MED12: variants seen among roughly 807,000 people sequenced by gnomAD.
MED12 encodes the protein mediator of RNA polymerase II transcription subunit 12.
MED12 carries 10 observed loss-of-function variants against 177.7 expected under a neutral mutation model. The observed-to-expected ratio is 0.06, with a 90% CI of 0.03 to 0.10. MED12 has a LOEUF of 0.10. MED12 is among the 10% of genes least tolerant of loss of function. The pLI is 1.00. For missense variants in MED12, 867 were observed against 1,780.8 expected (o/e 0.49, Z 9.23); for synonymous variants, 641 against 678.4 (o/e 0.94, Z 0.86).
chrX:71,126,544 AG>A (rs1453252256), intron 19 of MED12, 60 bp downstream of exon 19: 1 of 1,166,548 alleles, frequency 8.6e-7, no homozygotes, highest in African/African-American at 1.8e-5. Flanking sequence ...GCGGCTACGG[AG>A]GGTCATAAGG....
Position 71,122,354 on chromosome X carries a change from T to G in MED12, c.1248+8T>G. ...AGTGCCTTCACTCAGCAGGTATGTC[T>G]GACCACTAGCCTGGTACTCTCAGAT... On this transcript the variant is annotated splice_region_variant and intron_variant, in intron 8 of 44. Transcript: ENST00000374080. The G allele has an allele frequency of 8.3e-7, 1 of 1,211,761 alleles. No individual in the cohort carries two copies. The highest frequency in any genetic ancestry group is 1.1e-6 in the Non-Finnish European group (1 of 895,204).
At chrX:71,132,634 G>A in intron 31 of MED12, 96 bp downstream of exon 31, 1 of 1,032,879 alleles carries the variant, frequency 9.7e-7, no homozygotes, top group East Asian at 3.3e-5. Context: ...AAGCATCATA[G>A]GAAAGTGGAA....
chrX:71,124,435 A>G (rs1246375786), intron 13 of MED12, 47 bp downstream of exon 13: 1 of 1,019,978 alleles, frequency 9.8e-7, no homozygotes, highest in Admixed American at 2.6e-5. Flanking sequence ...TGACATTTCC[A>G]TCTTCATGGC....
At chrX:71,127,213 C>T (rs2092305418) in intron 20 of MED12, 81 bp downstream of exon 20, 1 of 1,153,123 alleles carries the variant, frequency 8.7e-7, no homozygotes, top group African/African-American at 1.8e-5. Flanking sequence ...TGCACTTCCT[C>T]ACACTCTGGG....
At chrX:71,134,665 A>G (rs762582686) in intron 34 of MED12, 48 bp from the exon 35 acceptor site, 12 of 1,195,731 alleles carry the variant, frequency 1.0e-5, no homozygotes, top group African/African-American at 3.6e-5. Flanking sequence ...GCCTTTTTCT[A>G]TCTTCACCTC....
chrX:71,127,784 C>G, intron 21 of MED12, 109 bp from the exon 22 acceptor site: 60 of 576,478 alleles, frequency 1.0e-4, no homozygotes, highest in Non-Finnish European at 1.6e-4. Flanking sequence ...GTCTCAAGAT[C>G]CTTCATCCCT....
Position 71,142,289 on chromosome X carries a change from T to C in MED12, c.*71T>C. On this transcript the variant is annotated 3_prime_UTR_variant, in exon 45 of 45. Coordinates refer to ENST00000374080, the MANE Select transcript of MED12 (RefSeq NM_005120.3). ...TCCTCTTAATTCCCAATCCCATTCC[T>C]GGGCTAGCACCAGTAGTGGTTGGGG... is the stretch of plus-strand genomic sequence containing the variant. The C allele has an allele frequency of 9.1e-7, 1 of 1,095,611 alleles. No homozygotes were observed. The highest frequency in any genetic ancestry group is 1.8e-5 in the African/African-American group (1 of 55,671). 90.3% of individuals were successfully genotyped at this position (1,095,611 alleles called of 1,213,427 possible).
intron 44 of MED12, 77 bp downstream of exon 44, chrX:71,142,041 G>A (rs1487786659): frequency 7.2e-6 from 8 of 1,116,551 alleles, no homozygotes; most frequent in Admixed American, 2.2e-5. Context: ...TAGCTGAAAC[G>A]ATAGCTTCAG....
At position 71,134,459 on chromosome X, in the gene MED12, T is replaced by G; in HGVS notation, c.4720T>G (p.Ser1574Ala). The change falls in exon 34 of 45, where the codon TCC becomes GCC. Residue 1574 changes from serine to alanine, a missense_variant. Ser to Ala is a moderately conservative substitution (Grantham distance 99). Coordinates refer to ENST00000374080, the MANE Select transcript of MED12 (RefSeq NM_005120.3). ...IIISGTVDMQ[S>A]NNELFTTVLD... ...CATCAGCGGCACTGTCGACATGCAGTCCAACAAGTAAAGCATCCCCACCCG... is the reference window on the plus strand; with the variant it reads ...CATCAGCGGCACTGTCGACATGCAGGCCAACAAGTAAAGCATCCCCACCCG... 8.8e-7 allele frequency: 1 copy of G among 1,131,126 alleles called. No individual in the cohort carries two copies. The highest frequency in any genetic ancestry group is 1.2e-6 in the Non-Finnish European group (1 of 838,605). The allele number at this position is 1,131,126 out of a possible 1,213,427, so 93.2% of individuals were successfully genotyped here.
At position 71,141,983 on chromosome X, in the gene MED12, C is replaced by T. The variant is rs1428365499; in HGVS notation, c.6490+19C>T. On this transcript the variant is annotated intron_variant, in intron 44 of 44. Coordinates refer to ENST00000374080, the MANE Select transcript of MED12 (RefSeq NM_005120.3). ...CTCTCTAGTAAGCCTGCCTGCCTTC[C>T]CAAGGAGAACCCCATGGAATAAATT... 1 of 1,202,606 alleles carries T rather than the reference C, an allele frequency of 8.3e-7. No homozygotes were observed. Among genetic ancestry groups the T allele is most frequent in the Non-Finnish European group, 1.1e-6 (1 of 889,169 alleles).
chrX:71,122,211 G>A lies in MED12; in HGVS notation c.1113G>A (p.Leu371=), dbSNP rs780470012. The change falls in exon 8 of 45, where the codon CTG becomes CTA. Residue 371 remains leucine, a synonymous_variant. Transcript: ENST00000374080. ...GLSCILQTIL[L]CCPSALVWHY... ...TTTCTATCTGGTAGACCATCCTCCT[G>A]TGCTGTCCTAGTGCCTTGGTTTGGC... 3.1e-5 allele frequency: 38 copies of A among 1,210,155 alleles called. No individual in the cohort carries two copies. In the South Asian group the frequency reaches 5.8e-4, roughly 18 times the overall value.
chrX:71,137,627 A>G lies in MED12; in HGVS notation c.5818A>G (p.Thr1940Ala). The G allele has an allele frequency of 8.3e-7, 1 of 1,209,044 alleles. No individual in the cohort carries two copies. Among genetic ancestry groups the G allele is most frequent in the Non-Finnish European group, 1.1e-6 (1 of 893,551 alleles). Residue 1940 changes from threonine to alanine, a missense_variant, in exon 40 of 45, where the codon ACT becomes GCT. Thr to Ala is a moderately conservative substitution (Grantham distance 58). Around this residue, in one of 14 missense-constraint regions of MED12, gnomAD observed 236 missense variants for 345.2 expected, o/e 0.68. Coordinates refer to ENST00000374080, the MANE Select transcript of MED12 (RefSeq NM_005120.3). ...TCCCAGCTCTTCCTACGGTTTGCAG[A>G]CTTCCCAGGTAAGAGCCTGGGATTG... ...MTPSSSYGLQ[T>A]SQGYTPYVSH...
At chrX:71,130,707 A>G (rs897554779) in intron 28 of MED12, among the ~76,000 whole-genome samples, 1 of 112,890 alleles carries the variant, frequency 8.9e-6, no homozygotes, top group African/African-American at 3.2e-5. Context: ...GTCTAACGTC[A>G]CATAGCCCAT....
rs1251216541 is a variant in MED12 at position 71,137,742 on chromosome X, T to G, written c.5843T>G (p.Val1948Gly). The part of the protein sequence containing the change: ...LQTSQGYTPY[V>G]SHVGLQQHTG... The stretch of plus-strand genomic sequence containing the variant: ...TCCCTCCAGGGCTATACTCCTTATG[T>G]TTCTCATGTGGGATTGCAGCAACAC... The change falls in exon 41 of 45, where the codon GTT becomes GGT. Residue 1948 changes from valine (V) to glycine (G), a missense_variant. Val to Gly is a moderately radical substitution (Grantham distance 109, BLOSUM62 -3). Transcript: ENST00000374080. The G allele has an allele frequency of 3.3e-6, 4 of 1,211,120 alleles. No individual in the cohort carries two copies. Among genetic ancestry groups the G allele is most frequent in the Non-Finnish European group, 3.4e-6 (3 of 895,254 alleles).
At chrX:71,125,833 T>A (rs73214869) in intron 17 of MED12, 120 bp downstream of exon 17, 10 of 689,091 alleles carry the variant, frequency 1.5e-5, no homozygotes, top group South Asian at 1.4e-4. Context: ...AAACCTTTGC[T>A]TCACTGTCCC....
rs1218745521 is a variant in MED12, at chrX:71,131,638, C to T, written c.4119+17C>T. 4.2e-6 allele frequency: 5 copies of T among 1,200,239 alleles called. No homozygotes were observed. Among genetic ancestry groups the T allele is most frequent in the East Asian group, 3.0e-5 (1 of 33,721 alleles). Reference sequence around the variant, plus strand: ...CCTAACAATGTGAGTAGTGCCTGGACCCTCCCTTTCCTGTGCTCACGTTCA... The same window carrying T: ...CCTAACAATGTGAGTAGTGCCTGGATCCTCCCTTTCCTGTGCTCACGTTCA... On this transcript the variant is annotated intron_variant, in intron 29 of 44. Transcript: ENST00000374080.
At chrX:71,137,453 G>A (rs1366019478) in intron 39 of MED12, 70 bp downstream of exon 39, 2 of 1,156,348 alleles carry the variant, frequency 1.7e-6, no homozygotes, top group African/African-American at 3.6e-5. Flanking sequence ...ACAGGACGGA[G>A]GAGACACTTG....
Position 71,123,240 on chromosome X carries a change from G to T in MED12, c.1617+14G>T, listed in dbSNP as rs1471572108. 2.5e-6 allele frequency: 3 copies of T among 1,211,403 alleles called. No individual in the cohort carries two copies. Among genetic ancestry groups the T allele is most frequent in the Non-Finnish European group, 3.4e-6 (3 of 895,255 alleles). Reference sequence around the variant, plus strand: ...ATTGAGGCTGAGGTTAGAGGGCAGAGATAAGAGAACAAGATTGGCCAATGG... The same window carrying T: ...ATTGAGGCTGAGGTTAGAGGGCAGATATAAGAGAACAAGATTGGCCAATGG... On this transcript the variant is annotated intron_variant, in intron 11 of 44. Coordinates refer to ENST00000374080, the MANE Select transcript of MED12 (RefSeq NM_005120.3).
At chrX:71,119,526 A>G in intron 2 of MED12, 49 bp downstream of exon 2, 1 of 1,117,908 alleles carries the variant, frequency 8.9e-7, no homozygotes, top group Middle Eastern at 2.4e-4. Flanking sequence ...GAATCTAAGA[A>G]GGAGCAAAGG....
Sources: gnomAD v4.1 joint callset for allele counts (sites outside exome capture counted in the v4.1 genomes callset) on GRCh38, gnomAD v4.1.1 for gene constraint, gnomAD v4.1.1 regional missense constraint, MANE v1.5 for transcripts, NCBI Gene and HGNC (gene_info 2026-07-23, HGNC 2026-07-21) for gene names.